RASGRF2: variants seen among roughly 807,000 people sequenced by gnomAD.
RASGRF2 encodes ras-specific guanine nucleotide-releasing factor 2.
A neutral mutation model predicts 151.0 loss-of-function variants in RASGRF2; 76 were observed. That is an observed-to-expected ratio of 0.50 (90% CI 0.42 to 0.61). RASGRF2 has a LOEUF of 0.61. RASGRF2 is among the 20% of genes least tolerant of loss of function. The pLI is 0.00. For missense variants in RASGRF2, 1,148 were observed against 1,564.6 expected (o/e 0.73, Z 4.49); for synonymous variants, 504 against 566.5 (o/e 0.89, Z 1.57).
At chr5:81,138,711 G>T (rs750287647) in intron 17 of RASGRF2, among the ~76,000 whole-genome samples, 1 of 151,680 alleles carries the variant, frequency 6.6e-6, no homozygotes, top group Non-Finnish European at 1.5e-5. Context: ...ACCAGGTCCC[G>T]GTTCCAGCGA....
rs1278279233 is a variant in RASGRF2 at position 81,109,075 on chromosome 5, T to C, written c.1835T>C (p.Ile612Thr). The C allele has an allele frequency of 6.2e-7, 1 of 1,609,638 alleles. No individual in the cohort carries two copies. The highest frequency in any genetic ancestry group is 1.7e-4 in the Middle Eastern group (1 of 6,048). Reference sequence around the variant, plus strand: ...TCCAAAGTCACTGTGCCACATATGATTAAGTAAGTGTGAGAATCCTTTCCT... The same window carrying C: ...TCCAAAGTCACTGTGCCACATATGACTAAGTAAGTGTGAGAATCCTTTCCT... ...ENSKVTVPHMIKSDARLHKDD... is the reference protein window; with the variant it reads ...ENSKVTVPHMTKSDARLHKDD... Residue 612 changes from isoleucine (I) to threonine (T), a missense_variant, in exon 13 of 27, where the codon ATT (isoleucine) becomes ACT (threonine). Ile to Thr is a moderately conservative substitution (Grantham distance 89). Transcript: ENST00000265080.
chr5:81,096,081 G>A (rs1408921851), intron 12 of RASGRF2: 1 of 152,072 alleles, frequency 6.6e-6, no homozygotes, highest in Non-Finnish European at 1.5e-5. Flanking sequence ...CTTTTTTTCT[G>A]TTTAGCGCTC....
intron 17 of RASGRF2, among the ~76,000 whole-genome samples, chr5:81,134,455 G>C (rs879453311): frequency 6.6e-6 from 1 of 152,084 alleles, no homozygotes; most frequent in Non-Finnish European, 1.5e-5. Context: ...GAGCTCAGCT[G>C]GTGCACTGGC....
At chr5:81,159,374 C>G (rs2112635182) in intron 17 of RASGRF2, among the ~76,000 whole-genome samples, 1 of 152,350 alleles carries the variant, frequency 6.6e-6, no homozygotes, top group African/African-American at 2.4e-5. Context: ...ATAGCTGTAG[C>G]TGTGTTCCGG....
Position 81,123,857 on chromosome 5 carries a change from A to G in RASGRF2, c.2596+90A>G, listed in dbSNP as rs888538926. 5 of 1,412,874 alleles carry G rather than the reference A, an allele frequency of 3.5e-6. No individual in the cohort carries two copies. The African/African-American group carries it at 7.3e-5, about 21-fold the overall frequency. 87.5% of individuals were successfully genotyped at this position (1,412,874 alleles called of 1,614,324 possible). A position where few individuals can be genotyped will look rare whatever the true frequency, so the allele number is the denominator to read the frequency against. ...CCTTTGCCTAATTGTTTCACTGCCA[A>G]AATAATTTTTTTAGTCTCACTTATT... On this transcript the variant is annotated intron_variant, in intron 16 of 26. Transcript: ENST00000265080.
intron 2 of RASGRF2, among the ~76,000 whole-genome samples, chr5:81,058,994 T>A (rs1235650945): frequency 2.6e-5 from 4 of 152,110 alleles, no homozygotes; most frequent in Admixed American, 6.6e-5. Flanking sequence ...TTTGCCTGGA[T>A]TATTATTGTA....
rs565086731 is a variant in RASGRF2 at position 80,969,307 on chromosome 5, T to C, written c.288+8281T>C. On this transcript the variant is annotated intron_variant, in intron 1 of 26. Coordinates refer to ENST00000265080, the MANE Select transcript of RASGRF2 (RefSeq NM_006909.3). ...CACCACACCCGGCTAACTTTTGCAT[T>C]CTTTTTTTAGTAGAGACAGGGTTTC... Among the ~76,000 whole-genome samples the C allele has an allele frequency of 2.0e-5, 3 of 151,308 alleles. No homozygotes were observed. The South Asian group carries it at 6.3e-4, about 32-fold the overall frequency.
intron 17 of RASGRF2, among the ~76,000 whole-genome samples, chr5:81,159,919 A>T (rs2112636139): frequency 6.6e-6 from 1 of 152,296 alleles, no homozygotes; most frequent in Middle Eastern, 3.4e-3. Context: ...CTTCAGAGCA[A>T]AAGTTGATAT....
chr5:81,227,027 T>TC lies in RASGRF2; in HGVS notation c.*1260dup, dbSNP rs1221136362. 2.0e-5 allele frequency: 3 copies of TC among 152,196 alleles called. No individual in the cohort carries two copies. The highest frequency in any genetic ancestry group is 7.2e-5 in the African/African-American group (3 of 41,448). 9.4% of individuals were successfully genotyped at this position (152,196 alleles called of 1,614,324 possible). A position where few individuals can be genotyped will look rare whatever the true frequency, so the allele number is the denominator to read the frequency against. ...AAATAGGGCTATCTCATTGTTTACC[T>TC]CCCTCTTCTCTTCTCAGGGAGACTG... On this transcript the variant is annotated 3_prime_UTR_variant, in exon 27 of 27. Transcript: ENST00000265080.
At chr5:81,190,765 TTTA>T (rs1354405975) in intron 18 of RASGRF2, among the ~76,000 whole-genome samples, 2 of 152,224 alleles carry the variant, frequency 1.3e-5, no homozygotes, top group Non-Finnish European at 2.9e-5. Context: ...TACAGCAGGA[TTTA>T]TTAAGCTAGC....
At chr5:81,139,966 T>C (rs1753845138) in intron 17 of RASGRF2, among the ~76,000 whole-genome samples, 1 of 152,100 alleles carries the variant, frequency 6.6e-6, no homozygotes, top group African/African-American at 2.4e-5. Context: ...TAGCTGGTAC[T>C]ATAGTTATGC....
intron 1 of RASGRF2, among the ~76,000 whole-genome samples, chr5:81,018,520 C>T (rs1056403102): frequency 9.2e-5 from 14 of 152,108 alleles, no homozygotes; most frequent in African/African-American, 3.4e-4. Flanking sequence ...GTGTTAAAGA[C>T]AGCTCACTTG....
intron 7 of RASGRF2, 56 bp from the exon 8 acceptor site, chr5:81,085,746 T>C: frequency 1.2e-6 from 2 of 1,607,338 alleles, no homozygotes; most frequent in East Asian, 2.2e-5. Flanking sequence ...CTGCGGAGCA[T>C]GTGCCCTGTC....
chr5:81,065,822 G>A (rs978940645), intron 2 of RASGRF2, among the ~76,000 whole-genome samples: 10 of 152,006 alleles, frequency 6.6e-5, no homozygotes, highest in African/African-American at 2.4e-4. Flanking sequence ...CATTATATAG[G>A]TGCTGAGGAT....
rs568708348 is a variant in RASGRF2, at chr5:81,203,539, C to G, written c.2906+2097C>G. Among the ~76,000 whole-genome samples the G allele has an allele frequency of 2.6e-5, 4 of 152,264 alleles. No homozygotes were observed. The South Asian group carries it at 8.3e-4, about 32-fold the overall frequency. On this transcript the variant is annotated intron_variant, in intron 19 of 26. Coordinates refer to ENST00000265080, the MANE Select transcript of RASGRF2 (RefSeq NM_006909.3). ...GCCAATTCTTTCTGCTGAATAATGACCTGAGAGTTAGCAGTGTAAGATTGA... is the reference window on the plus strand; with the variant it reads ...GCCAATTCTTTCTGCTGAATAATGAGCTGAGAGTTAGCAGTGTAAGATTGA...
intron 15 of RASGRF2, among the ~76,000 whole-genome samples, chr5:81,120,986 GT>G (rs1253494015): frequency 6.6e-6 from 1 of 152,038 alleles, no homozygotes; most frequent in Admixed American, 6.6e-5. Flanking sequence ...CAGTTGTAGG[GT>G]TTTTTGTTTT....
chr5:81,063,022 G>A (rs947152363), intron 2 of RASGRF2, among the ~76,000 whole-genome samples: 4 of 149,450 alleles, frequency 2.7e-5, no homozygotes, highest in Admixed American at 6.7e-5. Context: ...CCAAGTTAAT[G>A]ATGAAAAGTA....
At chr5:80,969,341 G>A (rs1388947404) in intron 1 of RASGRF2, among the ~76,000 whole-genome samples, 1 of 151,088 alleles carries the variant, frequency 6.6e-6, no homozygotes, top group African/African-American at 2.4e-5. Flanking sequence ...TCACCATGTT[G>A]GTCAGGCTGG....
intron 17 of RASGRF2, among the ~76,000 whole-genome samples, chr5:81,147,754 C>T (rs1460166096): frequency 6.6e-6 from 1 of 152,206 alleles, no homozygotes; most frequent in Non-Finnish European, 1.5e-5. Flanking sequence ...CTCCTCCTCT[C>T]TACAGATTTT....
Sources: gnomAD v4.1 joint callset for allele counts (sites outside exome capture counted in the v4.1 genomes callset) on GRCh38, gnomAD v4.1.1 for gene constraint, MANE v1.5 for transcripts, NCBI Gene and HGNC (gene_info 2026-07-23, HGNC 2026-07-21) for gene names.